AMPH: variants seen among roughly 807,000 people sequenced by gnomAD.
AMPH encodes amphiphysin.
Under a neutral mutation model 99.1 loss-of-function variants are expected in AMPH, and 49 were observed. The observed-to-expected ratio is 0.49, with a 90% CI of 0.39 to 0.63. AMPH has a LOEUF of 0.63. AMPH is among the 20% of genes least tolerant of loss of function. The pLI is 0.00. For missense variants in AMPH, 759 were observed against 863.4 expected (o/e 0.88, Z 1.52); for synonymous variants, 314 against 317.3 (o/e 0.99, Z 0.11).
At chr7:38,627,594 G>A (rs975572206) in intron 1 of AMPH, among the ~76,000 whole-genome samples, 6 of 144,546 alleles carry the variant, frequency 4.2e-5, no homozygotes, top group African/African-American at 1.3e-4. Context: ...GGTGGAGCTT[G>A]CAGTGAGCCG....
At chr7:38,409,483 G>C (rs374636629) in intron 17 of AMPH, among the ~76,000 whole-genome samples, 10 of 152,296 alleles carry the variant, frequency 6.6e-5, no homozygotes, top group African/African-American at 1.4e-4. Flanking sequence ...CCTTCAGTGT[G>C]ACTGTAGGGG....
Position 38,461,284 on chromosome 7 carries a change from T to C in AMPH, c.1016A>G (p.Gln339Arg), listed in dbSNP as rs764043467. ...VPEISVTTPS[Q>R]NEVPEVKKEE... Reference sequence around the variant, plus strand: ...ACCAGCCCTGAACCAGGCACTTACCTGGGAAGGTGTTGTCACACTGATTTC... The same window carrying C: ...ACCAGCCCTGAACCAGGCACTTACCCGGGAAGGTGTTGTCACACTGATTTC... The change falls in exon 11 of 21, where the codon CAG becomes CGG. Residue 339 changes from glutamine to arginine, a missense_variant and splice_region_variant. By Grantham distance (43) the Gln-to-Arg change is conservative. Around this residue, in one of 2 missense-constraint regions of AMPH, gnomAD observed 554 missense variants for 575.6 expected, o/e 0.96. Coordinates refer to ENST00000356264, the MANE Select transcript of AMPH (RefSeq NM_001635.4). The C allele has an allele frequency of 3.7e-6, 6 of 1,613,062 alleles. No homozygotes were observed. The Admixed American group carries it at 6.7e-5, about 18-fold the overall frequency.
chr7:38,458,041 T>A (rs1038884651), intron 11 of AMPH, among the ~76,000 whole-genome samples: 3 of 152,190 alleles, frequency 2.0e-5, no homozygotes, highest in African/African-American at 7.2e-5. Context: ...CTTCCTCATT[T>A]GTGTGTTTGG....
chr7:38,517,928 C>T (rs1789813154), intron 2 of AMPH, among the ~76,000 whole-genome samples: 1 of 152,302 alleles, frequency 6.6e-6, no homozygotes, highest in South Asian at 2.1e-4. Context: ...TTCTAGGCTG[C>T]CCCTCTCATC....
intron 1 of AMPH, among the ~76,000 whole-genome samples, chr7:38,625,818 A>G (rs755966184): frequency 2.6e-5 from 4 of 152,210 alleles, no homozygotes; most frequent in Non-Finnish European, 5.9e-5. Flanking sequence ...TGGAAGAAAC[A>G]TTCTGTTACT....
intron 11 of AMPH, among the ~76,000 whole-genome samples, chr7:38,458,437 T>C (rs1787314475): frequency 6.6e-6 from 1 of 152,100 alleles, no homozygotes; most frequent in African/African-American, 2.4e-5. Flanking sequence ...ATATTCATGA[T>C]AAACATAAAT....
rs143669633 is a variant in AMPH at position 38,513,085 on chromosome 7, C to T, written c.151-9381G>A. 2.0e-3 allele frequency among the ~76,000 whole-genome samples: 303 copies of T among 152,264 alleles called. 2 individuals carry two copies. The highest frequency in any genetic ancestry group is 7.0e-3 in the African/African-American group (289 of 41,570). ...CAGGTTTCCACTATCTGCTCCCTCC[C>T]ACAGAAGTCAATTTTATTGGCAATC... On this transcript the variant is annotated intron_variant, in intron 2 of 20. Coordinates refer to ENST00000356264, the MANE Select transcript of AMPH (RefSeq NM_001635.4).
chr7:38,489,600 G>T (rs1164642108), intron 5 of AMPH, among the ~76,000 whole-genome samples: 2 of 151,978 alleles, frequency 1.3e-5, no homozygotes, highest in African/African-American at 4.8e-5. Context: ...TAGAAATGGA[G>T]AAAAGATCTG....
intron 15 of AMPH, among the ~76,000 whole-genome samples, chr7:38,426,121 G>T (rs1272293102): frequency 6.6e-6 from 1 of 152,084 alleles, no homozygotes; most frequent in Non-Finnish European, 1.5e-5. Context: ...TTCTATTTAT[G>T]AATATATTAT....
At chr7:38,478,125 A>G (rs1203459176) in intron 5 of AMPH, among the ~76,000 whole-genome samples, 1 of 152,042 alleles carries the variant, frequency 6.6e-6, no homozygotes, top group East Asian at 1.9e-4. Flanking sequence ...ACTCCACTAC[A>G]AGCTATAACA....
intron 1 of AMPH, among the ~76,000 whole-genome samples, chr7:38,543,763 T>A (rs755226951): frequency 1.3e-5 from 2 of 152,202 alleles, no homozygotes; most frequent in Admixed American, 6.5e-5. Context: ...CTTTCTGGAA[T>A]AGTGTTTCCC....
chr7:38,403,290 G>C lies in AMPH; in HGVS notation c.1399-9076C>G, dbSNP rs576893784. On this transcript the variant is annotated intron_variant, in intron 17 of 20. Transcript: ENST00000356264. ...GAATTCGGCAGAAAGGGTAGGTGGG[G>C]GTGCTTCTCTACTCCCCTCCCTTCT... Among the ~76,000 whole-genome samples the C allele has an allele frequency of 2.0e-5, 3 of 152,292 alleles. No homozygotes were observed. The East Asian group carries it at 5.8e-4, about 29-fold the overall frequency.
At chr7:38,496,513 ACT>A (rs1485789573) in intron 3 of AMPH, among the ~76,000 whole-genome samples, 1 of 152,066 alleles carries the variant, frequency 6.6e-6, no homozygotes, top group Admixed American at 6.6e-5. Context: ...ATGACTCAAG[ACT>A]CTGGGGACTC....
chr7:38,550,585 T>C (rs1002170209), intron 1 of AMPH, among the ~76,000 whole-genome samples: 2 of 152,196 alleles, frequency 1.3e-5, no homozygotes, highest in African/African-American at 4.8e-5. Flanking sequence ...AAGTGTCATT[T>C]TGTTACATGG....
intron 17 of AMPH, among the ~76,000 whole-genome samples, chr7:38,412,940 A>G (rs1785255378): frequency 1.3e-5 from 2 of 152,208 alleles, no homozygotes; most frequent in South Asian, 4.1e-4. Context: ...TGGGAACCAC[A>G]TGGAAATTTG....
chr7:38,557,118 C>T (rs1185040882), intron 1 of AMPH, among the ~76,000 whole-genome samples: 1 of 152,036 alleles, frequency 6.6e-6, no homozygotes, highest in Non-Finnish European at 1.5e-5. Context: ...GGGTGGGAAA[C>T]AAGGGAAGCA....
chr7:38,429,538 T>G, intron 14 of AMPH: 1 of 1,397,556 alleles, frequency 7.2e-7, no homozygotes, highest in African/African-American at 1.4e-5. Context: ...GTTTCCTCCA[T>G]GATCAGGTTA....
In AMPH at chr7:38,384,781, C is replaced by A. The variant is rs769869909; in HGVS notation, c.*37G>T. The A allele has an allele frequency of 2.2e-5, 34 of 1,555,778 alleles. No individual in the cohort carries two copies. Among genetic ancestry groups the A allele is most frequent in the Non-Finnish European group, 3.0e-5 (34 of 1,127,860 alleles). ...TCAGGTTTTCATGAAGGTTTAAAAA[C>A]CCCGTAACTGAGCTCCTTCTTGCAG... On this transcript the variant is annotated 3_prime_UTR_variant, in exon 21 of 21. Coordinates refer to ENST00000356264, the MANE Select transcript of AMPH (RefSeq NM_001635.4).
intron 11 of AMPH, among the ~76,000 whole-genome samples, chr7:38,440,973 A>G (rs778087662): frequency 5.9e-5 from 9 of 152,082 alleles, no homozygotes; most frequent in Non-Finnish European, 1.0e-4. Flanking sequence ...AAAGGCAGAG[A>G]TTATCTAATT....
Sources: allele counts gnomAD v4.1 joint callset (sites outside exome capture counted in the v4.1 genomes callset), GRCh38; gene constraint gnomAD v4.1.1; regional missense constraint gnomAD v4.1.1; transcripts MANE v1.5; gene names NCBI Gene and HGNC (gene_info 2026-07-23, HGNC 2026-07-21).